ZNF727: variants seen among roughly 807,000 people sequenced by gnomAD.
ZNF727 encodes the protein putative zinc finger protein 727.
ZNF727 carries 11 observed loss-of-function variants against 11.5 expected under a neutral mutation model. The observed-to-expected ratio is 0.95, with a 90% CI of 0.60 to 1.58. ZNF727 has a LOEUF of 1.58. ZNF727 is among the 40% of genes most tolerant of loss of function. The pLI is 0.00. For missense variants in ZNF727, 533 were observed against 581.7 expected (o/e 0.92, Z 0.86); for synonymous variants, 171 against 196.1 (o/e 0.87, Z 1.07).
intron 3 of ZNF727, among the ~76,000 whole-genome samples, chr7:64,075,300 A>G (rs1157052746): frequency 4.6e-5 from 7 of 152,100 alleles, no homozygotes; most frequent in Admixed American, 4.6e-4. Context: ...TTGTGCAAAA[A>G]TAGTAGCTAT....
chr7:64,078,050 A>G lies in ZNF727; in HGVS notation c.1001A>G (p.His334Arg), dbSNP rs1240903005. 30 of 1,611,144 alleles carry G rather than the reference A, an allele frequency of 1.9e-5. No homozygotes were observed. Among genetic ancestry groups the G allele is most frequent in the African/African-American group, 2.7e-5 (2 of 74,820 alleles). ...ISALSQHNRI[H>R]TGEKPYICEE... ...GCCCTTAGTCAACATAACAGAATTC[A>G]TACTGGAGAGAAACCCTACATTTGT... is the stretch of plus-strand genomic sequence containing the variant. The change falls in exon 4 of 4, where the codon CAT (histidine) becomes CGT (arginine). Residue 334 changes from histidine to arginine, a missense_variant. Around this residue, in one of 3 missense-constraint regions of ZNF727, gnomAD observed 463 missense variants for 494.5 expected, o/e 0.94. Transcript: ENST00000456806.
rs1277302565 is a variant in ZNF727, at chr7:64,069,568, C to G, written c.185C>G (p.Pro62Arg). 1 of 1,565,116 alleles carries G rather than the reference C, an allele frequency of 6.4e-7. No homozygotes were observed. Among genetic ancestry groups the G allele is most frequent in the East Asian group, 2.4e-5 (1 of 42,396 alleles). Residue 62 changes from proline (P) to arginine (R), a missense_variant, in exon 3 of 4, where the codon CCT (proline) becomes CGT (arginine). Transcript: ENST00000456806. ...ACCTATCTGGAGCAAAGAAAAGAGC[C>G]TTGGAATGCGAGGAGACAGAAGACA... ...LITYLEQRKE[P>R]WNARRQKTVA...
Position 64,069,552 on chromosome 7 carries a change from G to T in ZNF727, c.169G>T (p.Glu57Ter). The change falls in exon 3 of 4, where the codon GAG (glutamate) becomes TAG (stop). Residue 57 changes from glutamate (E) to a stop codon, truncating the protein, a stop_gained. Coordinates refer to ENST00000456806, the MANE Select transcript of ZNF727 (RefSeq NM_001159522.3). LOFTEE classifies it high-confidence loss of function. ...TAAGCCAGACTTGATTACCTATCTG[G>T]AGCAAAGAAAAGAGCCTTGGAATGC... ...IFKPDLITYL[E>*]QRKEPWNARR... 1 of 1,562,876 alleles carries T rather than the reference G, an allele frequency of 6.4e-7. No homozygotes were observed. The highest frequency in any genetic ancestry group is 1.2e-5 in the South Asian group (1 of 85,446).
chr7:64,058,233 G>C (rs1347767032), intron 1 of ZNF727, among the ~76,000 whole-genome samples: 2 of 152,176 alleles, frequency 1.3e-5, no homozygotes, highest in Non-Finnish European at 2.9e-5. Context: ...CTGTCACACT[G>C]TAAATTGTTC....
At chr7:64,064,607 C>G (rs1012097383) in intron 1 of ZNF727, among the ~76,000 whole-genome samples, 5 of 152,272 alleles carry the variant, frequency 3.3e-5, no homozygotes, top group African/African-American at 1.2e-4. Flanking sequence ...CAGCTGGCAT[C>G]TCACAAAGCA....
At chr7:64,048,816 T>C (rs2116263767) in intron 1 of ZNF727, among the ~76,000 whole-genome samples, 1 of 152,332 alleles carries the variant, frequency 6.6e-6, no homozygotes, top group South Asian at 2.1e-4. Context: ...AAAAGCATTT[T>C]TTCCAATAAA....
In ZNF727 at chr7:64,081,060, CTG is replaced by C. The variant is rs1785783720; in HGVS notation, c.*2514_*2515del. 6.6e-6 allele frequency among the ~76,000 whole-genome samples: 1 copy of C among 151,950 alleles called. No homozygotes were observed. Among genetic ancestry groups the C allele is most frequent in the East Asian group, 1.9e-4 (1 of 5,160 alleles). ...TCCTTGTGATTTGGAGTCTGCCACT[CTG>C]TGGGACTAAGGTGCCACAGCTGCTG... On this transcript the variant is annotated 3_prime_UTR_variant, in exon 4 of 4. Transcript: ENST00000456806.
chr7:64,077,778 T>C lies in ZNF727; in HGVS notation c.729T>C (p.Leu243=). The change falls in exon 4 of 4, where the codon CTT becomes CTC. Residue 243 remains leucine, a synonymous_variant. Transcript: ENST00000456806. Reference sequence around the variant, plus strand: ...AAACATTTACCTGTTCCTCAGCCCTTACTAAACACAAGAGAAATCATACTG... The same window carrying C: ...AAACATTTACCTGTTCCTCAGCCCTCACTAAACACAAGAGAAATCATACTG... ...CGKTFTCSSA[L]TKHKRNHTGD... 1 of 1,575,362 alleles carries C rather than the reference T, an allele frequency of 6.3e-7. No homozygotes were observed. The highest frequency in any genetic ancestry group is 1.4e-5 in the African/African-American group (1 of 73,694).
At chr7:64,049,458 G>A (rs1478100770) in intron 1 of ZNF727, among the ~76,000 whole-genome samples, 1 of 151,782 alleles carries the variant, frequency 6.6e-6, no homozygotes, top group Non-Finnish European at 1.5e-5. Context: ...CACTCTGTAT[G>A]TAAAATTGTT....
chr7:64,070,116 G>A (rs1234208676), intron 3 of ZNF727, among the ~76,000 whole-genome samples: 1 of 151,970 alleles, frequency 6.6e-6, no homozygotes, highest in Admixed American at 6.6e-5. Flanking sequence ...TTCTATGGAG[G>A]CTTCAAATGT....
chr7:64,080,579 A>T lies in ZNF727; in HGVS notation c.*2030A>T, dbSNP rs2116337111. Among the ~76,000 whole-genome samples, 1 of 152,106 alleles carries T rather than the reference A, an allele frequency of 6.6e-6. No individual in the cohort carries two copies. The highest frequency in any genetic ancestry group is 1.5e-5 in the Non-Finnish European group (1 of 68,002). On this transcript the variant is annotated 3_prime_UTR_variant, in exon 4 of 4. Coordinates refer to ENST00000456806, the MANE Select transcript of ZNF727 (RefSeq NM_001159522.3). The stretch of plus-strand genomic sequence containing the variant: ...TTTTTTCTTCTTTGCATTGGGTTGC[A>T]ACTTACCTTTGTAGATCAATGAAGT...
At chr7:64,075,601 G>A (rs1790027926) in intron 3 of ZNF727, among the ~76,000 whole-genome samples, 1 of 152,014 alleles carries the variant, frequency 6.6e-6, no homozygotes, top group African/African-American at 2.4e-5. Context: ...GCAGCTGAAA[G>A]CCATTATCTT....
chr7:64,063,184 T>A (rs183083899), intron 1 of ZNF727, among the ~76,000 whole-genome samples: 223 of 152,170 alleles, frequency 1.5e-3, no homozygotes, highest in South Asian at 9.1e-3. Flanking sequence ...TGTTCATTGA[T>A]GTCTGGGCAT....
rs1252764409 is a variant in ZNF727 at position 64,079,351 on chromosome 7, A to G, written c.*802A>G. 6.6e-6 allele frequency among the ~76,000 whole-genome samples: 1 copy of G among 152,184 alleles called. No individual in the cohort carries two copies. The stretch of plus-strand genomic sequence containing the variant: ...AAGGTAATGACTTGAAGAACATTTA[A>G]TAACATCTTAGAGGGTCTCTAAGAA... On this transcript the variant is annotated 3_prime_UTR_variant, in exon 4 of 4. Coordinates refer to ENST00000456806, the MANE Select transcript of ZNF727 (RefSeq NM_001159522.3).
intron 1 of ZNF727, among the ~76,000 whole-genome samples, chr7:64,053,800 C>A (rs922776868): frequency 2.0e-5 from 3 of 152,162 alleles, no homozygotes; most frequent in Non-Finnish European, 4.4e-5. Flanking sequence ...TGCCCAGTCT[C>A]AGGTATGTCT....
At chr7:64,062,801 A>AT (rs1025177186) in intron 1 of ZNF727, among the ~76,000 whole-genome samples, 154 of 139,538 alleles carry the variant, frequency 1.1e-3, no homozygotes, top group Middle Eastern at 3.7e-3. Context: ...TCTTGAGGCT[A>AT]TTTTTTTTTT....
rs4717171 is a variant in ZNF727, at chr7:64,083,514, G to C, written c.*4965G>C. On this transcript the variant is annotated 3_prime_UTR_variant, in exon 4 of 4. Transcript: ENST00000456806. ...GCTGAGTTGCAGCTACTTTTTCTGGGAAGCCTGGAAAGCCAGAGTATCTGA... is the reference window on the plus strand; with the variant it reads ...GCTGAGTTGCAGCTACTTTTTCTGGCAAGCCTGGAAAGCCAGAGTATCTGA... Among the ~76,000 whole-genome samples the C allele has an allele frequency of 0.62, 94,645 of 152,066 alleles. 30,130 individuals are homozygous for C. The highest frequency in any genetic ancestry group is 0.68 in the Non-Finnish European group (46,495 of 67,988).
chr7:64,045,799 C>T (rs1322087343), intron 1 of ZNF727, among the ~76,000 whole-genome samples, 175 bp downstream of exon 1: 1 of 152,124 alleles, frequency 6.6e-6, no homozygotes, highest in Non-Finnish European at 1.5e-5. Context: ...AGCCTGCAGC[C>T]AAAACCCGAG....
Position 64,077,722 on chromosome 7 carries a change from A to T in ZNF727, c.673A>T (p.Lys225Ter). ...TGAACATAATAGAGTTCATACTGGA[A>T]AGAAACCCTACAAATGTGAAGAATG... ...LTEHNRVHTG[K>*]KPYKCEECGK... The change falls in exon 4 of 4, where the codon AAG (lysine) becomes TAG (stop). Residue 225 changes from lysine to a stop codon, truncating the protein, a stop_gained. Coordinates refer to ENST00000456806, the MANE Select transcript of ZNF727 (RefSeq NM_001159522.3). LOFTEE classifies it low-confidence loss of function (END_TRUNC). The T allele has an allele frequency of 3.2e-6, 5 of 1,581,302 alleles. No individual in the cohort carries two copies. The highest frequency in any genetic ancestry group is 4.3e-6 in the Non-Finnish European group (5 of 1,163,236).
Sources: allele counts gnomAD v4.1 joint callset (sites outside exome capture counted in the v4.1 genomes callset), GRCh38; gene constraint gnomAD v4.1.1; regional missense constraint gnomAD v4.1.1; transcripts MANE v1.5; gene names NCBI Gene and HGNC (gene_info 2026-07-23, HGNC 2026-07-21).